PDS5A: variants seen among roughly 807,000 people sequenced by gnomAD.
The protein encoded by PDS5A is PDS5 cohesin associated factor A.
Under a neutral mutation model 167.1 loss-of-function variants are expected in PDS5A, and 42 were observed. The observed-to-expected ratio is 0.25, with a 90% confidence interval of 0.20 to 0.33. PDS5A has a LOEUF of 0.33. PDS5A is among the 10% of genes least tolerant of loss of function. The probability of loss-of-function intolerance (pLI) is 1.00; values close to 1 mark genes in which losing one functional copy is unlikely to be tolerated. For synonymous variants in PDS5A, 553 were observed against 554.6 expected (o/e 1.00, Z 0.04); for missense variants, 1,033 against 1,605.9 (o/e 0.64, Z 6.10).
Position 39,885,777 on chromosome 4 carries a change from A to C in PDS5A, c.1886+4472T>G, listed in dbSNP as rs967313144. On this transcript the variant is annotated intron_variant, in intron 17 of 32. Transcript: ENST00000303538. The stretch of plus-strand genomic sequence containing the variant: ...CAAAACCAAAACAAAGCAAACAAAA[A>C]ACAAACAAAAAAAAACACCCTCACA... 6.0e-5 allele frequency among the ~76,000 whole-genome samples: 9 copies of C among 151,160 alleles called. 1 individual carries two copies.
intron 6 of PDS5A, among the ~76,000 whole-genome samples, chr4:39,922,376 G>A (rs1725063475): frequency 6.6e-6 from 1 of 152,126 alleles, no homozygotes; most frequent in African/African-American, 2.4e-5. Context: ...TTATTTGTGT[G>A]AATACAAAAC....
At chr4:39,904,320 T>G in intron 11 of PDS5A, 129 bp from the exon 12 acceptor site, 1 of 491,366 alleles carries the variant, frequency 2.0e-6, no homozygotes, top group Non-Finnish European at 3.5e-6. Flanking sequence ...CTATTTCTCT[T>G]CAAAAGAGGC....
At chr4:39,833,923 C>T (rs1260641280) in intron 32 of PDS5A, among the ~76,000 whole-genome samples, 1 of 152,182 alleles carries the variant, frequency 6.6e-6, no homozygotes, top group African/African-American at 2.4e-5. Flanking sequence ...GCACCCAGAT[C>T]AGCTGTAGAC....
chr4:39,952,476 C>T (rs1728502930), intron 2 of PDS5A, among the ~76,000 whole-genome samples: 1 of 152,094 alleles, frequency 6.6e-6, no homozygotes, highest in Admixed American at 6.6e-5. Flanking sequence ...TTAAAAATCA[C>T]CAGATCATAA....
chr4:39,842,165 G>C (rs1478250247), intron 30 of PDS5A, 109 bp from the exon 31 acceptor site: 1 of 660,908 alleles, frequency 1.5e-6, no homozygotes, highest in East Asian at 2.7e-5. Context: ...CTTGACAATT[G>C]AAGCAACAAT....
intron 20 of PDS5A, 33 bp downstream of exon 20, chr4:39,874,256 C>G: frequency 1.9e-6 from 3 of 1,570,970 alleles, no homozygotes; most frequent in Non-Finnish European, 2.6e-6. Context: ...AAAATAAAGA[C>G]CAATATAAAC....
chr4:39,926,031 T>C (rs1725425047), intron 4 of PDS5A, 98 bp from the exon 5 acceptor site: 2 of 361,484 alleles, frequency 5.5e-6, no homozygotes, highest in East Asian at 4.7e-5. Flanking sequence ...GTTAGAAACA[T>C]ATTAAAGTCT....
At chr4:39,826,929 GTGATTATTA>G (rs1715376074) in intron 32 of PDS5A, among the ~76,000 whole-genome samples, 2 of 152,146 alleles carry the variant, frequency 1.3e-5, no homozygotes, top group Admixed American at 6.6e-5. Flanking sequence ...AAAGAGCTAA[GTGATTATTA>G]CAATTCATAC....
At chr4:39,950,184 A>G in intron 2 of PDS5A, among the ~76,000 whole-genome samples, 2 of 152,202 alleles carry the variant, frequency 1.3e-5, no homozygotes, top group South Asian at 4.1e-4. Flanking sequence ...TACAGGTGTG[A>G]GCCACCGCAC....
chr4:39,906,131 G>A (rs780079539), intron 11 of PDS5A, among the ~76,000 whole-genome samples: 1 of 152,152 alleles, frequency 6.6e-6, no homozygotes, highest in Non-Finnish European at 1.5e-5. Context: ...AGGTGGAGGT[G>A]GAAGCAGGCA....
intron 2 of PDS5A, among the ~76,000 whole-genome samples, chr4:39,948,210 CAAAAAAAA>C (rs35177594): frequency 4.3e-4 from 41 of 96,438 alleles, no homozygotes; most frequent in Admixed American, 7.3e-4. Flanking sequence ...TATCCCGTCT[CAAAAAAAA>C]AAAAAAAAAA....
intron 11 of PDS5A, among the ~76,000 whole-genome samples, chr4:39,907,890 A>G (rs527648751): frequency 1.3e-5 from 2 of 152,226 alleles, no homozygotes; most frequent in African/African-American, 4.8e-5. Flanking sequence ...CCGGCAATCC[A>G]TTTTTTCAAC....
At chr4:39,958,148 T>C (rs1241479344) in intron 2 of PDS5A, among the ~76,000 whole-genome samples, 2 of 152,062 alleles carry the variant, frequency 1.3e-5, no homozygotes, top group Non-Finnish European at 2.9e-5. Context: ...TGCCTTTGCC[T>C]CCCAAAGTGC....
At chr4:39,888,139 C>T (rs1390038408) in intron 17 of PDS5A, among the ~76,000 whole-genome samples, 1 of 149,598 alleles carries the variant, frequency 6.7e-6, no homozygotes, top group East Asian at 2.0e-4. Flanking sequence ...GTCCTAGCTA[C>T]TCGGGAGGCT....
At chr4:39,896,291 C>T (rs561104730) in intron 16 of PDS5A, among the ~76,000 whole-genome samples, 1 of 151,240 alleles carries the variant, frequency 6.6e-6, no homozygotes, top group South Asian at 2.1e-4. Context: ...AGTGATCCTC[C>T]TGCCTAGGCC....
At chr4:39,846,962 T>C (rs1307070161) in intron 28 of PDS5A, 2 of 152,120 alleles carry the variant, frequency 1.3e-5, no homozygotes, top group African/African-American at 2.4e-5. Context: ...ACTTCATTCA[T>C]AAAGATATAG....
intron 2 of PDS5A, among the ~76,000 whole-genome samples, chr4:39,946,640 C>A (rs548213081): frequency 2.0e-5 from 3 of 152,088 alleles, no homozygotes; most frequent in Non-Finnish European, 4.4e-5. Context: ...ATTGGCCAGG[C>A]GTGGTGGCTC....
chr4:39,829,380 G>C (rs919964243), intron 32 of PDS5A, among the ~76,000 whole-genome samples: 3 of 152,178 alleles, frequency 2.0e-5, no homozygotes, highest in African/African-American at 7.2e-5. Context: ...GCCGGGCATG[G>C]TGGCTCACAC....
At chr4:39,867,549 T>TAAA (rs11357236) in intron 22 of PDS5A, among the ~76,000 whole-genome samples, 1 of 111,748 alleles carries the variant, frequency 8.9e-6, no homozygotes, top group Non-Finnish European at 1.8e-5. Flanking sequence ...CCGTCTCTAC[T>TAAA]AAAAAAAAAA....
Sources: gnomAD v4.1 joint callset for allele counts (sites outside exome capture counted in the v4.1 genomes callset) on GRCh38, gnomAD v4.1.1 for gene constraint, MANE v1.5 for transcripts, NCBI Gene and HGNC (gene_info 2026-07-23, HGNC 2026-07-21) for gene names.